Variants in AOPEP observed in about 807,000 individuals in gnomAD.
AOPEP encodes the protein aminopeptidase O (putative).
AOPEP carries 77 observed loss-of-function variants against 98.1 expected under a neutral mutation model. The observed-to-expected ratio is 0.78, with a 90% CI of 0.65 to 0.95. The LOEUF (loss-of-function observed/expected upper bound fraction) is 0.95, where lower values mean the gene tolerates loss of function less well. AOPEP is among the 40% of genes least tolerant of loss of function. The pLI is 0.00. For missense variants in AOPEP, 1,024 were observed against 1,024.7 expected (o/e 1.00, Z 0.01); for synonymous variants, 346 against 365.3 (o/e 0.95, Z 0.60).
the AOPEP span, among the ~76,000 whole-genome samples, chr9:95,096,744 C>A: frequency 0.15 from 22,272 of 152,188 alleles, 1,826 homozygotes; most frequent in East Asian, 0.34. Context: ...CCCTTTCAGC[C>A]CCACCCATGT....
At chr9:94,735,750 A>G (rs1201685007) in intron 1 of AOPEP, among the ~76,000 whole-genome samples, 1 of 152,192 alleles carries the variant, frequency 6.6e-6, no homozygotes, top group African/African-American at 2.4e-5. Context: ...GAATTGTGCA[A>G]CCATCACCAC....
intron 7 of AOPEP, among the ~76,000 whole-genome samples, chr9:94,951,356 G>GT (rs1458725869): frequency 7.0e-6 from 1 of 142,064 alleles, no homozygotes; most frequent in Admixed American, 7.5e-5. Flanking sequence ...CCTGGATCTT[G>GT]GGGGGGCCCC....
the AOPEP span, among the ~76,000 whole-genome samples, chr9:95,137,960 T>C: frequency 6.6e-6 from 1 of 152,120 alleles, no homozygotes; most frequent in Admixed American, 6.5e-5. Context: ...GGACTGGCGG[T>C]AACGGGAGTG....
intron 14 of AOPEP, among the ~76,000 whole-genome samples, chr9:95,061,741 A>C (rs530877074): frequency 6.6e-6 from 1 of 152,342 alleles, no homozygotes; most frequent in East Asian, 1.9e-4. Flanking sequence ...CTTATTAACC[A>C]AAAGGTAAGA....
At chr9:94,997,160 C>T (rs2061296233) in intron 11 of AOPEP, among the ~76,000 whole-genome samples, 1 of 152,198 alleles carries the variant, frequency 6.6e-6, no homozygotes, top group Admixed American at 6.5e-5. Context: ...AGTCAGATAT[C>T]TGCCCATTGT....
chr9:94,871,065 G>C (rs1011701516), intron 5 of AOPEP, among the ~76,000 whole-genome samples: 1 of 152,208 alleles, frequency 6.6e-6, no homozygotes, highest in Admixed American at 6.5e-5. Flanking sequence ...GGGCGCAGGC[G>C]CGACTCCCAG....
intron 11 of AOPEP, among the ~76,000 whole-genome samples, chr9:94,989,996 C>T (rs2060792571): frequency 1.3e-5 from 2 of 152,274 alleles, no homozygotes; most frequent in South Asian, 2.1e-4. Context: ...CATATAAAGC[C>T]GAAAGGGCAC....
chr9:94,958,017 A>G (rs1314251444), intron 9 of AOPEP, among the ~76,000 whole-genome samples: 1 of 151,086 alleles, frequency 6.6e-6, no homozygotes, highest in African/African-American at 2.4e-5. Context: ...CATCTCCCAT[A>G]CCATTAATAT....
intron 16 of AOPEP, 99 bp downstream of exon 16, chr9:95,082,818 C>T (rs776741128): frequency 8.6e-5 from 118 of 1,371,658 alleles, no homozygotes; most frequent in Non-Finnish European, 1.1e-4. Context: ...CAAGACTACC[C>T]GCAGCATCAA....
At chr9:95,129,784 C>G in the AOPEP span, among the ~76,000 whole-genome samples, 4 of 152,114 alleles carry the variant, frequency 2.6e-5, no homozygotes, top group African/African-American at 4.8e-5. Context: ...TTATCTCCCC[C>G]CTCAGGCTTT....
chr9:95,124,429 T>TCTTG, the AOPEP span, among the ~76,000 whole-genome samples: 1 of 152,192 alleles, frequency 6.6e-6, no homozygotes, highest in Non-Finnish European at 1.5e-5. Context: ...GGTCATTGAC[T>TCTTG]CTTGGCAGCT....
At chr9:94,731,037 G>C (rs946052703) in intron 1 of AOPEP, among the ~76,000 whole-genome samples, 4 of 152,296 alleles carry the variant, frequency 2.6e-5, no homozygotes, top group African/African-American at 9.6e-5. Context: ...CCTGTGGTTA[G>C]GGAGCAGGTT....
At chr9:95,005,364 C>T in intron 12 of AOPEP, 144 bp downstream of exon 12, 1 of 756,514 alleles carries the variant, frequency 1.3e-6, no homozygotes, top group South Asian at 3.3e-5. Flanking sequence ...GCGGCCGTGA[C>T]GAAGGTCGCG....
At chr9:94,835,508 C>G (rs991936144) in intron 5 of AOPEP, among the ~76,000 whole-genome samples, 8 of 152,094 alleles carry the variant, frequency 5.3e-5, no homozygotes, top group Admixed American at 3.3e-4. Context: ...ATTTTTTTCT[C>G]CTTTAAAAGA....
the AOPEP span, among the ~76,000 whole-genome samples, chr9:95,113,534 C>T: frequency 6.6e-5 from 10 of 152,030 alleles, no homozygotes; most frequent in Non-Finnish European, 1.5e-4. Context: ...CGGTCCACAC[C>T]TGTAATCCCA....
chr9:95,084,609 G>A (rs2070371179), intron 16 of AOPEP, among the ~76,000 whole-genome samples: 1 of 152,164 alleles, frequency 6.6e-6, no homozygotes, highest in African/African-American at 2.4e-5. Flanking sequence ...ATTCCCTTTG[G>A]TGCAGGTTTT....
downstream of AOPEP, among the ~76,000 whole-genome samples, chr9:95,088,998 G>A (rs999140261): frequency 2.0e-5 from 3 of 152,236 alleles, no homozygotes; most frequent in African/African-American, 7.2e-5. Context: ...CCCTGGAGGT[G>A]AGGGAGGGAG....
intron 5 of AOPEP, among the ~76,000 whole-genome samples, chr9:94,903,182 C>T (rs892839341): frequency 6.6e-6 from 1 of 151,614 alleles, no homozygotes; most frequent in Non-Finnish European, 1.5e-5. Flanking sequence ...GGGGTTTTAC[C>T]ATGTTGGCCA....
intron 13 of AOPEP, among the ~76,000 whole-genome samples, chr9:95,057,723 A>G (rs891638692): frequency 3.3e-5 from 5 of 151,832 alleles, no homozygotes; most frequent in Non-Finnish European, 5.9e-5. Flanking sequence ...TTTTTTCCCT[A>G]CTTTTTTCAG....
Sources: allele counts gnomAD v4.1 joint callset (sites outside exome capture counted in the v4.1 genomes callset), GRCh38; gene constraint gnomAD v4.1.1; transcripts MANE v1.5; gene names NCBI Gene and HGNC (gene_info 2026-07-23, HGNC 2026-07-21).